Variants in KIF26B observed in about 807,000 individuals in gnomAD.
KIF26B encodes the protein kinesin family member 26B, also known as kinesin-like protein KIF26B.
A neutral mutation model predicts 151.2 loss-of-function variants in KIF26B; 63 were observed. The observed-to-expected ratio is 0.42, with a 90% CI of 0.34 to 0.51. KIF26B has a LOEUF of 0.51. Among genes scored for constraint, KIF26B ranks in the 20% least tolerant of loss-of-function variants. The pLI is 0.07. For synonymous variants in KIF26B, 1,357 were observed against 1,262.1 expected (o/e 1.08, Z -1.59); for missense variants, 2,813 against 2,913.6 (o/e 0.97, Z 0.79).
At chr1:245,338,384 C>T (rs1672275244) in intron 2 of KIF26B, among the ~76,000 whole-genome samples, 3 of 152,192 alleles carry the variant, frequency 2.0e-5, no homozygotes, top group South Asian at 2.1e-4. Flanking sequence ...TCCTTCCCCT[C>T]AGCAGAACTG....
chr1:245,300,742 T>G (rs1671415607), intron 2 of KIF26B, among the ~76,000 whole-genome samples: 1 of 151,554 alleles, frequency 6.6e-6, no homozygotes, highest in African/African-American at 2.4e-5. Context: ...TTGACCAGGC[T>G]GGTCTCGAGC....
At chr1:245,614,858 TCGGA>T (rs2043569544) in intron 9 of KIF26B, 5 of 82,038 alleles carry the variant, frequency 6.1e-5, no homozygotes, top group South Asian at 8.5e-4. Flanking sequence ...GGAAACGCAT[TCGGA>T]TAGGGATGAG....
rs555859059 is a variant in KIF26B, at chr1:245,463,078, C to T, written c.1166+43333C>T. ...CCTCTGTCCTCCACCCACACTTTCT[C>T]AACGGTGTCCTTCTCAGAAGAGAAC... On this transcript the variant is annotated intron_variant, in intron 4 of 14. Transcript: ENST00000407071. Among the ~76,000 whole-genome samples the T allele has an allele frequency of 1.2e-4, 18 of 152,314 alleles. No homozygotes were observed. The South Asian group carries it at 3.3e-3, about 28-fold the overall frequency.
At position 245,687,038 on chromosome 1, in the gene KIF26B, A is replaced by G. The variant is rs1300643223; in HGVS notation, c.4055A>G (p.Asn1352Ser). Residue 1352 changes from asparagine (N) to serine (S), a missense_variant, in exon 12 of 15, where the codon AAC becomes AGC. Transcript: ENST00000407071. This position sits in a 1 kb window ranked among gnomAD's most constrained non-coding sequence, Gnocchi z 4.9. ...TCTGAGATGGGAGATGACTCTTTCA[A>G]CAAAGCAGCCCCCATCAAAGGCTGC... is the stretch of plus-strand genomic sequence containing the variant. ...ILSEMGDDSF[N>S]KAAPIKGCKI... 6.2e-7 allele frequency: 1 copy of G among 1,613,446 alleles called. No individual in the cohort carries two copies. The highest frequency in any genetic ancestry group is 8.5e-7 in the Non-Finnish European group (1 of 1,179,810).
At chr1:245,393,320 A>G (rs752663204) in intron 3 of KIF26B, among the ~76,000 whole-genome samples, 1 of 152,064 alleles carries the variant, frequency 6.6e-6, no homozygotes, top group African/African-American at 2.4e-5. Context: ...TTGTCTCTGC[A>G]TCTTCCTTTT....
At chr1:245,691,161 T>C (rs994738809) in intron 12 of KIF26B, among the ~76,000 whole-genome samples, 2 of 152,226 alleles carry the variant, frequency 1.3e-5, no homozygotes, top group Non-Finnish European at 2.9e-5. Context: ...TTTTGTTTTT[T>C]TCCCCAAGAC....
intron 4 of KIF26B, among the ~76,000 whole-genome samples, chr1:245,502,205 T>G (rs529968670): frequency 2.6e-5 from 4 of 152,176 alleles, no homozygotes. Context: ...TTTTTGAGAA[T>G]GAGTTGGAGT....
chr1:245,612,877 C>A (rs547578485), intron 9 of KIF26B, among the ~76,000 whole-genome samples: 3 of 152,130 alleles, frequency 2.0e-5, no homozygotes, highest in Non-Finnish European at 4.4e-5. Flanking sequence ...CCCTACAGAC[C>A]CCTCTTGGCT....
intron 2 of KIF26B, among the ~76,000 whole-genome samples, chr1:245,342,966 A>G (rs1017533787): frequency 2.0e-4 from 31 of 151,806 alleles, no homozygotes; most frequent in African/African-American, 7.2e-4. Flanking sequence ...GGCGCCTGTA[A>G]TTCCAGCTAC....
intron 5 of KIF26B, among the ~76,000 whole-genome samples, chr1:245,543,365 G>C (rs1661666309): frequency 6.6e-6 from 1 of 152,344 alleles, no homozygotes; most frequent in South Asian, 2.1e-4. Context: ...AGTTATGCTT[G>C]TTAGTAAACT....
intron 2 of KIF26B, among the ~76,000 whole-genome samples, chr1:245,328,128 C>T (rs1672031031): frequency 6.7e-6 from 1 of 149,348 alleles, no homozygotes; most frequent in Admixed American, 6.7e-5. Flanking sequence ...TGCTGGTAGG[C>T]TGTGTTTCTG....
At chr1:245,490,380 C>T (rs1660381811) in intron 4 of KIF26B, among the ~76,000 whole-genome samples, 1 of 146,434 alleles carries the variant, frequency 6.8e-6, no homozygotes, top group Non-Finnish European at 1.5e-5. Context: ...GGCGCGATCT[C>T]GGCTCACTGC....
intron 9 of KIF26B, among the ~76,000 whole-genome samples, chr1:245,613,991 ATTG>A (rs915020155): frequency 3.9e-5 from 6 of 151,958 alleles, no homozygotes; most frequent in African/African-American, 1.5e-4. Context: ...CACGGATCTG[ATTG>A]TTGTCCTGGT....
In KIF26B at chr1:245,366,996, G is replaced by A. The variant is rs532207390; in HGVS notation, c.628G>A (p.Gly210Ser). The change falls in exon 3 of 15, where the codon GGC becomes AGC. Residue 210 changes from glycine to serine, a missense_variant. By Grantham distance (56) the Gly-to-Ser change is moderately conservative (BLOSUM62 0). Transcript: ENST00000407071. The stretch of plus-strand genomic sequence containing the variant: ...GGTGCTGACGTTGGAGCAGGCAGCC[G>A]GCAGTGAGCACTACGACGCCTCGCC... ...QMVLTLEQAA[G>S]SEHYDASPCS... The A allele has an allele frequency of 1.4e-5, 22 of 1,613,770 alleles. No individual in the cohort carries two copies. Among genetic ancestry groups the A allele is most frequent in the Middle Eastern group, 1.6e-4 (1 of 6,062 alleles).
At chr1:245,653,265 G>A (rs1358615306) in intron 10 of KIF26B, among the ~76,000 whole-genome samples, 8 of 152,086 alleles carry the variant, frequency 5.3e-5, no homozygotes, top group Admixed American at 4.6e-4. Context: ...AACCGAGAGC[G>A]GGAACTCTAT....
intron 4 of KIF26B, among the ~76,000 whole-genome samples, chr1:245,467,884 T>TA (rs5782341): frequency 3.3e-5 from 5 of 150,020 alleles, no homozygotes; most frequent in Non-Finnish European, 3.0e-5. Context: ...AACAGAGTCA[T>TA]AAAAAAAAAA....
intron 4 of KIF26B, among the ~76,000 whole-genome samples, chr1:245,444,538 A>T (rs183722707): frequency 8.5e-5 from 13 of 152,310 alleles, no homozygotes; most frequent in African/African-American, 3.1e-4. Flanking sequence ...CATCTGCTGT[A>T]TTTCCACAGA....
chr1:245,523,552 C>T (rs1053669755), intron 4 of KIF26B, among the ~76,000 whole-genome samples: 1 of 152,170 alleles, frequency 6.6e-6, no homozygotes, highest in Non-Finnish European at 1.5e-5. Flanking sequence ...GATCAAGAGA[C>T]CATCAGGTTC....
chr1:245,423,027 A>G (rs1488492723), intron 4 of KIF26B, among the ~76,000 whole-genome samples: 1 of 146,980 alleles, frequency 6.8e-6, no homozygotes, highest in Non-Finnish European at 1.5e-5. Flanking sequence ...TGAATTAGGA[A>G]GGTGGGGTTT....
Sources: allele counts gnomAD v4.1 joint callset (sites outside exome capture counted in the v4.1 genomes callset), GRCh38; gene constraint gnomAD v4.1.1; non-coding constraint Gnocchi (gnomAD v3.1); transcripts MANE v1.5; gene names NCBI Gene and HGNC (gene_info 2026-07-23, HGNC 2026-07-21).